The following NXN variants were observed in gnomAD, a reference collection of about 807,000 sequenced individuals.
The protein encoded by NXN is nucleoredoxin 1.
A neutral mutation model predicts 48.6 loss-of-function variants in NXN; 16 were observed. The ratio of observed to expected loss-of-function variants is 0.33; its 90% CI spans 0.22 to 0.50. The LOEUF (loss-of-function observed/expected upper bound fraction) is 0.50, where lower values mean the gene tolerates loss of function less well. Among genes scored for constraint, NXN ranks in the 20% least tolerant of loss-of-function variants. NXN has a pLI of 0.98. For missense variants in NXN, 492 were observed against 605.5 expected (o/e 0.81, Z 1.97); for synonymous variants, 281 against 269.6 (o/e 1.04, Z -0.41).
rs188630394 is a variant in NXN at position 915,643 on chromosome 17, A to G, written c.360+63676T>C. On this transcript the variant is annotated intron_variant, in intron 1 of 7. Transcript: ENST00000336868. ...TGAGAATGAATGAGTACATAGTGTA[A>G]CGCTTCCGAGCTTTGGTGCAGGAGG... Among the ~76,000 whole-genome samples the G allele has an allele frequency of 1.1e-3, 172 of 152,342 alleles. 1 individual carries two copies. The highest frequency in any genetic ancestry group is 4.8e-3 in the Admixed American group (74 of 15,288).
chr17:893,490 G>T (rs2068445720), intron 1 of NXN, among the ~76,000 whole-genome samples: 1 of 152,224 alleles, frequency 6.6e-6, no homozygotes, highest in African/African-American at 2.4e-5. Flanking sequence ...ATAAGAAATG[G>T]AAAGAAGCCT....
At chr17:867,895 C>CA (rs201632429) in intron 1 of NXN, among the ~76,000 whole-genome samples, 1,857 of 121,776 alleles carry the variant, frequency 0.015, 33 homozygotes, top group East Asian at 0.062. Context: ...GACTCCAACT[C>CA]AAAAAAAAAA....
intron 5 of NXN, among the ~76,000 whole-genome samples, chr17:817,790 A>G (rs1912565435): frequency 2.0e-5 from 3 of 151,888 alleles, no homozygotes; most frequent in South Asian, 4.2e-4. Context: ...GAACTCAATT[A>G]TTAGCTGTAT....
intron 1 of NXN, among the ~76,000 whole-genome samples, chr17:881,455 G>C (rs923736942): frequency 1.3e-5 from 2 of 152,128 alleles, no homozygotes; most frequent in African/African-American, 4.8e-5. Flanking sequence ...TCAAACTCCC[G>C]GGCTCAAGAA....
intron 1 of NXN, among the ~76,000 whole-genome samples, chr17:833,777 A>C (rs986293002): frequency 6.6e-6 from 1 of 152,132 alleles, no homozygotes; most frequent in African/African-American, 2.4e-5. Context: ...CCTTGATTCA[A>C]CTGAGAGAGA....
chr17:852,726 G>A (rs1358356592), intron 1 of NXN, among the ~76,000 whole-genome samples: 3 of 152,274 alleles, frequency 2.0e-5, no homozygotes, highest in East Asian at 3.9e-4. Context: ...TGCACGGTTG[G>A]GATTATGCGT....
chr17:844,956 G>A (rs1452973618), intron 1 of NXN, among the ~76,000 whole-genome samples: 1 of 152,122 alleles, frequency 6.6e-6, no homozygotes, highest in Non-Finnish European at 1.5e-5. Context: ...GACAGGGTCA[G>A]TGCAGGTGCC....
At position 919,821 on chromosome 17, in the gene NXN, C is replaced by T. The variant is rs954812841; in HGVS notation, c.360+59498G>A. On this transcript the variant is annotated intron_variant, in intron 1 of 7. Transcript: ENST00000336868. The surrounding 1 kb of genome is among the most constrained non-coding windows in gnomAD (Gnocchi z 5.1). ...TCTCCCTTCCATCATTCAATCTTGG[C>T]GGACCACACTGGTATGCGACCTCAT... Among the ~76,000 whole-genome samples, 2 of 152,142 alleles carry T rather than the reference C, an allele frequency of 1.3e-5. No individual in the cohort carries two copies. The highest frequency in any genetic ancestry group is 1.5e-5 in the Non-Finnish European group (1 of 68,028).
chr17:802,514 C>T (rs1057289442), intron 7 of NXN, among the ~76,000 whole-genome samples: 5 of 152,220 alleles, frequency 3.3e-5, no homozygotes, highest in Non-Finnish European at 1.5e-5. Flanking sequence ...TCCTTCCAGA[C>T]TTGACACCTC....
At chr17:954,986 G>A (rs2069149740) in intron 1 of NXN, among the ~76,000 whole-genome samples, 1 of 152,090 alleles carries the variant, frequency 6.6e-6, no homozygotes, top group Admixed American at 6.5e-5. Context: ...CCACATAGGA[G>A]GTCTGCCCCG....
intron 1 of NXN, among the ~76,000 whole-genome samples, chr17:940,675 A>G (rs1282557934): frequency 6.6e-6 from 1 of 151,826 alleles, no homozygotes; most frequent in African/African-American, 2.4e-5. Flanking sequence ...CTGGATTTAC[A>G]GTGAACAAGA....
chr17:802,866 G>T (rs1410501754), intron 7 of NXN, among the ~76,000 whole-genome samples: 1 of 150,318 alleles, frequency 6.7e-6, no homozygotes, highest in Non-Finnish European at 1.5e-5. Flanking sequence ...TCAGCACAGG[G>T]CTCTGACCAA....
intron 1 of NXN, among the ~76,000 whole-genome samples, chr17:833,443 A>G (rs1212301299): frequency 6.6e-6 from 1 of 152,162 alleles, no homozygotes; most frequent in Non-Finnish European, 1.5e-5. Context: ...AAACCAAAAA[A>G]TGCTTCAGCT....
At chr17:906,811 C>T (rs774781350) in intron 1 of NXN, among the ~76,000 whole-genome samples, 5 of 151,856 alleles carry the variant, frequency 3.3e-5, no homozygotes, top group Non-Finnish European at 4.4e-5. Context: ...TCAGGTGATC[C>T]GCCCACCTCA....
rs1043714994 is a variant in NXN, at chr17:956,189, G to A, written c.360+23130C>T. 1.5e-4 allele frequency among the ~76,000 whole-genome samples: 23 copies of A among 152,182 alleles called. No homozygotes were observed. Among genetic ancestry groups the A allele is most frequent in the Admixed American group, 1.4e-3 (21 of 15,262 alleles). ...CCAAACCTCTTCCCACCGGAATCCC[G>A]CCAAGCCTTCAACTCTCCATCCAAA... On this transcript the variant is annotated intron_variant, in intron 1 of 7. Transcript: ENST00000336868. This position sits in a 1 kb window ranked among gnomAD's most constrained non-coding sequence, Gnocchi z 4.1.
chr17:891,133 C>T (rs2068412660), intron 1 of NXN, among the ~76,000 whole-genome samples: 2 of 152,202 alleles, frequency 1.3e-5, no homozygotes, highest in Non-Finnish European at 2.9e-5. Flanking sequence ...GGCTGTCACA[C>T]AGTGGCACGA....
At chr17:852,575 C>T (rs1323286621) in intron 1 of NXN, among the ~76,000 whole-genome samples, 7 of 152,138 alleles carry the variant, frequency 4.6e-5, no homozygotes, top group East Asian at 1.9e-4. Flanking sequence ...CCCAGAGCTC[C>T]GAGTTGGTGT....
intron 1 of NXN, among the ~76,000 whole-genome samples, chr17:843,006 G>GAGAAAGAGAGAAAGAAAGAAAGAAAGAA (rs1555613117): frequency 6.2e-5 from 6 of 96,090 alleles, no homozygotes; most frequent in Admixed American, 1.0e-4. Flanking sequence ...GAGAGAAAGA[G>GAGAAAGAGAGAAAGAAAGAAAGAAAGAA]AGAAAGAAAG....
rs377219769 is a variant in NXN at position 806,142 on chromosome 17, G to A, written c.821-895C>T. 3.2e-4 allele frequency among the ~76,000 whole-genome samples: 27 copies of A among 85,552 alleles called. 2 individuals carry two copies. Among genetic ancestry groups the A allele is most frequent in the African/African-American group, 1.0e-3 (24 of 23,120 alleles). 56.1% of individuals were successfully genotyped at this position (85,552 alleles called of 152,430 possible). A position where few individuals can be genotyped will look rare whatever the true frequency, so the allele number is the denominator to read the frequency against. On this transcript the variant is annotated intron_variant, in intron 5 of 7. Coordinates refer to ENST00000336868, the MANE Select transcript of NXN (RefSeq NM_022463.5). ...CGCCGTCTGCACCCCAGCCCTCCCC[G>A]CTCCCCAGGGCTGCAGCCCCCGCCG...
Sources: allele counts gnomAD v4.1 joint callset (sites outside exome capture counted in the v4.1 genomes callset), GRCh38; gene constraint gnomAD v4.1.1; non-coding constraint Gnocchi (gnomAD v3.1); transcripts MANE v1.5; gene names NCBI Gene and HGNC (gene_info 2026-07-23, HGNC 2026-07-21).